Variants in PKHD1L1 observed in about 807,000 individuals in gnomAD.
PKHD1L1 encodes PKHD1 like 1.
PKHD1L1 carries 434 observed loss-of-function variants against 462.9 expected under a neutral mutation model. The ratio of observed to expected loss-of-function variants is 0.94; its 90% confidence interval spans 0.87 to 1.02. The LOEUF (loss-of-function observed/expected upper bound fraction) is 1.02. PKHD1L1 is among the 50% of genes least tolerant of loss of function. The pLI, the probability that PKHD1L1 is intolerant of heterozygous loss-of-function variation, is 0.00. For synonymous variants in PKHD1L1, 1,781 were observed against 1,750.0 expected (o/e 1.02, Z -0.44); for missense variants, 5,202 against 5,096.1 (o/e 1.02, Z -0.63).
Position 109,443,648 on chromosome 8 carries a change from A to T in PKHD1L1, c.4565-28A>T, listed in dbSNP as rs768437166. On this transcript the variant is annotated intron_variant, in intron 36 of 77. Coordinates refer to ENST00000378402, the MANE Select transcript of PKHD1L1 (RefSeq NM_177531.6). ...TTATCATTTTGGAATGTTATTCATG[A>T]CTTAACGGGCAGTTCTTTTGTCTAA... is the stretch of plus-strand genomic sequence containing the variant. 6 of 1,525,256 alleles carry T rather than the reference A, an allele frequency of 3.9e-6. No homozygotes were observed. In the South Asian group the frequency reaches 7.1e-5, roughly 18 times the overall value. 94.5% of individuals were successfully genotyped at this position (1,525,256 alleles called of 1,614,324 possible).
chr8:109,399,941 G>A, intron 12 of PKHD1L1, 135 bp from the exon 13 acceptor site: 1 of 905,542 alleles, frequency 1.1e-6, no homozygotes, highest in Non-Finnish European at 1.6e-6. Context: ...AGGGGAATGT[G>A]TAATTGTTTT....
In PKHD1L1 at chr8:109,381,410, C is replaced by A. The variant is rs778581993; in HGVS notation, c.204C>A (p.Asn68Lys). The change falls in exon 3 of 78, where the codon AAC (asparagine) becomes AAA (lysine). Residue 68 changes from asparagine to lysine, a missense_variant. Asn to Lys is a moderately conservative substitution (Grantham distance 94). Transcript: ENST00000378402. ...QANQFNYGVD[N>K]AELGNSVQLI... ...ACCAGTTTAACTATGGAGTTGATAACGCTGAGTTGGGAAACAGTGTGCAAT... is the reference window on the plus strand; with the variant it reads ...ACCAGTTTAACTATGGAGTTGATAAAGCTGAGTTGGGAAACAGTGTGCAAT... The A allele has an allele frequency of 1.7e-5, 27 of 1,581,958 alleles. No homozygotes were observed. The South Asian group carries it at 2.8e-4, about 16-fold the overall frequency.
At chr8:109,370,461 G>A (rs1427663675) in intron 2 of PKHD1L1, among the ~76,000 whole-genome samples, 1 of 149,984 alleles carries the variant, frequency 6.7e-6, no homozygotes, top group African/African-American at 2.4e-5. Flanking sequence ...CTAAATCTCA[G>A]GATTTTTTCT....
chr8:109,497,457 G>C (rs1230033198), intron 65 of PKHD1L1, among the ~76,000 whole-genome samples, 185 bp downstream of exon 65: 1 of 142,030 alleles, frequency 7.0e-6, no homozygotes, highest in African/African-American at 2.6e-5. Context: ...TTTTGAGATG[G>C]AGTCTCGCTC....
chr8:109,506,153 T>C (rs1158424876), intron 68 of PKHD1L1, among the ~76,000 whole-genome samples: 1 of 152,198 alleles, frequency 6.6e-6, no homozygotes, highest in East Asian at 1.9e-4. Context: ...TTTTCAAATA[T>C]GATTTTTCTG....
chr8:109,506,518 G>A (rs1313718963), intron 68 of PKHD1L1, among the ~76,000 whole-genome samples: 2 of 152,010 alleles, frequency 1.3e-5, no homozygotes, highest in Non-Finnish European at 2.9e-5. Context: ...TAATTTACTT[G>A]AACAAAAATC....
chr8:109,480,067 T>A lies in PKHD1L1; in HGVS notation c.9255T>A (p.Asp3085Glu). 1 of 1,589,202 alleles carries A rather than the reference T, an allele frequency of 6.3e-7. No homozygotes were observed. The change falls in exon 55 of 78, where the codon GAT becomes GAA. Residue 3085 changes from aspartate to glutamate, a missense_variant. Transcript: ENST00000378402. ...LIIWGVLELE[D>E]KYNVGAAESS... is the part of the protein sequence containing the mutation. ...TTTGGGGGGTTCTAGAACTGGAAGATAAATACAATGTAGGAGCTGCAGAAT... is the reference window on the plus strand; with the variant it reads ...TTTGGGGGGTTCTAGAACTGGAAGAAAAATACAATGTAGGAGCTGCAGAAT...
chr8:109,523,083 C>G, intron 75 of PKHD1L1, 150 bp from the exon 76 acceptor site: 1 of 980,530 alleles, frequency 1.0e-6, no homozygotes, highest in Non-Finnish European at 1.5e-6. Flanking sequence ...TTCTGCTGCT[C>G]AGGTTTATGA....
intron 2 of PKHD1L1, among the ~76,000 whole-genome samples, chr8:109,374,644 G>C (rs1027933390): frequency 6.6e-6 from 1 of 152,200 alleles, no homozygotes; most frequent in African/African-American, 2.4e-5. Context: ...GGTATTGGTT[G>C]TTCCTTTCCA....
intron 21 of PKHD1L1, among the ~76,000 whole-genome samples, chr8:109,414,099 T>G (rs1197891412): frequency 1.3e-5 from 2 of 152,182 alleles, no homozygotes; most frequent in Non-Finnish European, 2.9e-5. Context: ...TAATTATTTT[T>G]TGGGTTTTAT....
intron 59 of PKHD1L1, among the ~76,000 whole-genome samples, chr8:109,488,495 T>C (rs1475702591): frequency 6.6e-6 from 1 of 152,024 alleles, no homozygotes; most frequent in African/African-American, 2.4e-5. Context: ...CTGGAACTCA[T>C]TGTTCCTCCA....
intron 5 of PKHD1L1, among the ~76,000 whole-genome samples, chr8:109,385,249 C>CTT (rs367896512): frequency 2.8e-5 from 4 of 140,720 alleles, no homozygotes; most frequent in Non-Finnish European, 4.7e-5. Flanking sequence ...GTACAGAGAT[C>CTT]TTTTTTTTTT....
intron 50 of PKHD1L1, chr8:109,470,671 T>C (rs1783152): frequency 0.53 from 828,336 of 1,570,380 alleles, 221,818 homozygotes; most frequent in South Asian, 0.68. Context: ...GTCAGTAAGC[T>C]GAGAAAAACA....
chr8:109,364,652 T>TTTA lies in PKHD1L1; in HGVS notation c.163+18_163+19insATT. ...AGAGGGGAAGGTATCGTTGCTTTTT[T>TTTA]TTTTTTTTTTTTGCCAAGGTTGAGG... On this transcript the variant is annotated intron_variant, in intron 2 of 77. Coordinates refer to ENST00000378402, the MANE Select transcript of PKHD1L1 (RefSeq NM_177531.6). 1.4e-6 allele frequency: 2 copies of TTTA among 1,428,638 alleles called. No homozygotes were observed. The highest frequency in any genetic ancestry group is 1.9e-6 in the Non-Finnish European group (2 of 1,070,824). The allele number at this position is 1,428,638 out of a possible 1,614,324, so 88.5% of individuals were successfully genotyped here. A position where few individuals can be genotyped will look rare whatever the true frequency, so the allele number is the denominator to read the frequency against.
rs747058822 is a variant in PKHD1L1 at position 109,465,054 on chromosome 8, T to C, written c.8222T>C (p.Val2741Ala). Reference protein sequence around the residue: ...PFSEGLTVSSVHFMNFDRPNC... With the variant: ...PFSEGLTVSSAHFMNFDRPNC... ...AGTGAAGGCTTGACTGTCTCTTCTGTGCACTTTATGAACTTTGACCGTCCC... is the reference window on the plus strand; with the variant it reads ...AGTGAAGGCTTGACTGTCTCTTCTGCGCACTTTATGAACTTTGACCGTCCC... Residue 2741 changes from valine to alanine, a missense_variant, in exon 49 of 78, where the codon GTG (valine) becomes GCG (alanine). This residue lies in a region of PKHD1L1 where 4,497 missense variants were observed against 4,336.8 expected (regional missense o/e 1.04). Coordinates refer to ENST00000378402, the MANE Select transcript of PKHD1L1 (RefSeq NM_177531.6). 2 of 1,613,822 alleles carry C rather than the reference T, an allele frequency of 1.2e-6. No individual in the cohort carries two copies. Among genetic ancestry groups the C allele is most frequent in the Non-Finnish European group, 1.7e-6 (2 of 1,179,794 alleles).
intron 72 of PKHD1L1, 112 bp downstream of exon 72, chr8:109,515,417 A>G: frequency 2.1e-6 from 2 of 960,840 alleles, no homozygotes; most frequent in Non-Finnish European, 2.8e-6. Flanking sequence ...TGGAGAAGAA[A>G]ACAAGTTTTT....
intron 5 of PKHD1L1, among the ~76,000 whole-genome samples, chr8:109,384,748 T>G (rs1812345457): frequency 6.6e-6 from 1 of 152,068 alleles, no homozygotes; most frequent in South Asian, 2.1e-4. Flanking sequence ...TTTTCAAGAA[T>G]TAATATACAA....
In PKHD1L1 at chr8:109,476,671, T is replaced by C. The variant is rs1392248109; in HGVS notation, c.8917+4T>C. The C allele has an allele frequency of 6.3e-7, 1 of 1,583,196 alleles. No individual in the cohort carries two copies. The highest frequency in any genetic ancestry group is 1.2e-5 in the South Asian group (1 of 84,762). On this transcript the variant is annotated splice_donor_region_variant and intron_variant, in intron 52 of 77. Coordinates refer to ENST00000378402, the MANE Select transcript of PKHD1L1 (RefSeq NM_177531.6). ...ACTAGTACTCTATATTACTTGGGTA[T>C]GTGTCATTAGGCAGAAATGATAGTT...
At chr8:109,486,619 G>A in intron 58 of PKHD1L1, 29 bp from the exon 59 acceptor site, 1 of 1,596,964 alleles carries the variant, frequency 6.3e-7, no homozygotes, top group Non-Finnish European at 8.5e-7. Flanking sequence ...CTCAGCATTG[G>A]CAATAATCTA....
Sources: gnomAD v4.1 joint callset for allele counts (sites outside exome capture counted in the v4.1 genomes callset) on GRCh38, gnomAD v4.1.1 for gene constraint, gnomAD v4.1.1 regional missense constraint, MANE v1.5 for transcripts, NCBI Gene and HGNC (gene_info 2026-07-23, HGNC 2026-07-21) for gene names.